Variants in ANO6 observed in about 807,000 individuals in gnomAD.
ANO6 encodes the protein anoctamin 6.
Under a neutral mutation model 117.5 loss-of-function variants are expected in ANO6, and 106 were observed. The ratio of observed to expected loss-of-function variants is 0.90; its 90% CI spans 0.77 to 1.06. The LOEUF (loss-of-function observed/expected upper bound fraction) is 1.06. ANO6 is among the 50% of genes least tolerant of loss of function. The probability of loss-of-function intolerance (pLI) is 0.00; values close to 1 mark genes in which losing one functional copy is unlikely to be tolerated. For missense variants in ANO6, 955 were observed against 1,121.1 expected (o/e 0.85, Z 2.12); for synonymous variants, 367 against 385.1 (o/e 0.95, Z 0.55).
At chr12:45,216,473 G>C in intron 1 of ANO6, 82 bp downstream of exon 1, 1 of 1,484,200 alleles carries the variant, frequency 6.7e-7, no homozygotes, top group South Asian at 1.2e-5. Context: ...GGGGCGCTGT[G>C]CTCTCCGCGG....
intron 17 of ANO6, among the ~76,000 whole-genome samples, chr12:45,419,883 A>G (rs1943312997): frequency 6.6e-6 from 1 of 151,958 alleles, no homozygotes; most frequent in African/African-American, 2.4e-5. Context: ...TGATTGGCCC[A>G]TATTTACTCC....
intron 1 of ANO6, among the ~76,000 whole-genome samples, chr12:45,268,888 G>T (rs778827785): frequency 2.0e-5 from 3 of 152,188 alleles, no homozygotes; most frequent in Admixed American, 2.0e-4. Context: ...TGCTATTTCC[G>T]TGCTCAGGGC....
chr12:45,412,898 A>T (rs949456821), intron 16 of ANO6, among the ~76,000 whole-genome samples: 36 of 152,310 alleles, frequency 2.4e-4, no homozygotes, highest in African/African-American at 8.2e-4. Context: ...GGTGAATGGA[A>T]GTTAGTTATC....
At chr12:45,286,844 G>C (rs901536961) in intron 1 of ANO6, among the ~76,000 whole-genome samples, 2 of 152,164 alleles carry the variant, frequency 1.3e-5, no homozygotes, top group African/African-American at 4.8e-5. Flanking sequence ...CCATTTTCCA[G>C]GTGCAGACAC....
chr12:45,429,677 T>C lies in ANO6; in HGVS notation c.*366T>C, dbSNP rs1943589561. The stretch of plus-strand genomic sequence containing the variant: ...GTCTATTCTCAGGCGCATGATCTCC[T>C]TTATTTTTAAGCCATGTTTCATTTC... On this transcript the variant is annotated 3_prime_UTR_variant, in exon 20 of 20. Transcript: ENST00000320560. 1 of 1,122,588 alleles carries C rather than the reference T, an allele frequency of 8.9e-7. No homozygotes were observed. The highest frequency in any genetic ancestry group is 4.1e-4 in the Middle Eastern group (1 of 2,420). 69.5% of individuals were successfully genotyped at this position (1,122,588 alleles called of 1,614,324 possible). A position where few individuals can be genotyped will look rare whatever the true frequency, so the allele number is the denominator to read the frequency against.
intron 1 of ANO6, among the ~76,000 whole-genome samples, chr12:45,263,766 A>G (rs1938125669): frequency 2.0e-5 from 3 of 152,154 alleles, no homozygotes. Context: ...GGCAGGTAAC[A>G]TGCACACCAT....
At chr12:45,386,122 A>C (rs1428802698) in intron 10 of ANO6, among the ~76,000 whole-genome samples, 1 of 152,210 alleles carries the variant, frequency 6.6e-6, no homozygotes, top group Non-Finnish European at 1.5e-5. Context: ...ACCAAAAATC[A>C]TAATTTATAA....
At chr12:45,366,033 G>T (rs1365328163) in intron 8 of ANO6, among the ~76,000 whole-genome samples, 1 of 151,586 alleles carries the variant, frequency 6.6e-6, no homozygotes, top group Non-Finnish European at 1.5e-5. Flanking sequence ...CCACCTAACT[G>T]CACAGCTCCA....
intron 1 of ANO6, among the ~76,000 whole-genome samples, chr12:45,299,602 C>T (rs1188280612): frequency 6.6e-6 from 1 of 152,108 alleles, no homozygotes; most frequent in Non-Finnish European, 1.5e-5. Context: ...TCTGTAATCC[C>T]AGCACTTTGG....
chr12:45,415,419 C>T (rs1943189867), intron 16 of ANO6, among the ~76,000 whole-genome samples: 1 of 152,218 alleles, frequency 6.6e-6, no homozygotes, highest in South Asian at 2.1e-4. Context: ...CTCATTCCAA[C>T]ATGGCAACTA....
intron 1 of ANO6, among the ~76,000 whole-genome samples, chr12:45,251,115 G>A (rs942384989): frequency 6.6e-6 from 1 of 152,084 alleles, no homozygotes; most frequent in Non-Finnish European, 1.5e-5. Context: ...AGTGAAAGTG[G>A]AGGTGAGATA....
At chr12:45,264,858 C>T (rs996487136) in intron 1 of ANO6, among the ~76,000 whole-genome samples, 2 of 152,102 alleles carry the variant, frequency 1.3e-5, no homozygotes, top group Admixed American at 6.5e-5. Flanking sequence ...GAGAAAGGAA[C>T]GTACAAAGCC....
intron 1 of ANO6, among the ~76,000 whole-genome samples, chr12:45,253,709 G>A (rs1422047216): frequency 3.9e-5 from 6 of 152,306 alleles, no homozygotes; most frequent in African/African-American, 1.4e-4. Flanking sequence ...TTCACTATCT[G>A]TAAAATGAGG....
intron 3 of ANO6, among the ~76,000 whole-genome samples, chr12:45,343,198 T>C (rs12814361): frequency 1.5e-4 from 23 of 152,264 alleles, no homozygotes; most frequent in South Asian, 8.3e-4. Flanking sequence ...AATAAGGCCA[T>C]TGAACAGAGT....
chr12:45,331,388 G>A lies in ANO6; in HGVS notation c.244G>A (p.Glu82Lys), dbSNP rs781542223. 1.2e-6 allele frequency: 2 copies of A among 1,608,218 alleles called. No homozygotes were observed. Among genetic ancestry groups the A allele is most frequent in the Non-Finnish European group, 1.7e-6 (2 of 1,177,230 alleles). Residue 82 changes from glutamate to lysine, a missense_variant, in exon 3 of 20, where the codon GAG (glutamate) becomes AAG (lysine). Glu to Lys is a moderately conservative substitution (Grantham distance 56). Coordinates refer to ENST00000320560, the MANE Select transcript of ANO6 (RefSeq NM_001025356.3). ...AGTATATGAGGATGAAAGCAGAAAA[G>A]AGACCAATAAAAAGGGTACAAATGA... Reference protein sequence around the residue: ...VLVYEDESRKETNKKGTNEKQ... With the variant: ...VLVYEDESRKKTNKKGTNEKQ...
intron 1 of ANO6, among the ~76,000 whole-genome samples, chr12:45,242,351 C>T (rs979748291): frequency 6.6e-6 from 1 of 152,280 alleles, no homozygotes; most frequent in Non-Finnish European, 1.5e-5. Flanking sequence ...TAGCAGTGAG[C>T]AAGGCTCTGG....
intron 1 of ANO6, among the ~76,000 whole-genome samples, chr12:45,290,037 A>G (rs947875545): frequency 6.6e-6 from 1 of 152,094 alleles, no homozygotes; most frequent in South Asian, 2.1e-4. Context: ...GACCATTTAC[A>G]TTTTTCATTA....
At chr12:45,241,339 A>G (rs1375053232) in intron 1 of ANO6, among the ~76,000 whole-genome samples, 2 of 152,216 alleles carry the variant, frequency 1.3e-5, no homozygotes, top group Non-Finnish European at 2.9e-5. Context: ...CACTTGATCA[A>G]ATCAGCTATT....
intron 1 of ANO6, among the ~76,000 whole-genome samples, chr12:45,234,009 C>T (rs1422727065): frequency 3.9e-5 from 6 of 152,098 alleles, no homozygotes; most frequent in African/African-American, 2.4e-5. Context: ...TTGAAGTATT[C>T]GTTTCTTATA....
Sources: allele counts gnomAD v4.1 joint callset (sites outside exome capture counted in the v4.1 genomes callset), GRCh38; gene constraint gnomAD v4.1.1; transcripts MANE v1.5; gene names NCBI Gene and HGNC (gene_info 2026-07-23, HGNC 2026-07-21).